Variants in TAOK3 observed in about 807,000 individuals in gnomAD.
TAOK3 encodes the protein TAO kinase 3.
Under a neutral mutation model 120.4 loss-of-function variants are expected in TAOK3, and 40 were observed. That is an observed-to-expected ratio of 0.33 (90% confidence interval 0.26 to 0.43). The LOEUF (loss-of-function observed/expected upper bound fraction) is 0.43, where lower values mean the gene tolerates loss of function less well. TAOK3 is among the 20% of genes least tolerant of loss of function. The pLI, the probability that TAOK3 is intolerant of heterozygous loss-of-function variation, is 1.00. For synonymous variants in TAOK3, 355 were observed against 387.5 expected (o/e 0.92, Z 0.99); for missense variants, 821 against 1,112.1 (o/e 0.74, Z 3.72).
At chr12:118,216,017 T>A (rs913279920) in intron 9 of TAOK3, among the ~76,000 whole-genome samples, 2 of 151,706 alleles carry the variant, frequency 1.3e-5, no homozygotes, top group Non-Finnish European at 2.9e-5. Flanking sequence ...CTGGGCAACA[T>A]GGTGAAAATT....
At chr12:118,330,548 T>C (rs969906807) in intron 1 of TAOK3, among the ~76,000 whole-genome samples, 2 of 152,120 alleles carry the variant, frequency 1.3e-5, no homozygotes, top group African/African-American at 4.8e-5. Flanking sequence ...CTGGCTGCAG[T>C]TGATAGTTGG....
At chr12:118,151,264 GCACACACATGAAGTGCGCGCGCGCGCA>G in intron 20 of TAOK3, 106 bp from the exon 21 acceptor site, 3 of 1,092,552 alleles carry the variant, frequency 2.7e-6, no homozygotes, top group Non-Finnish European at 3.9e-6. Context: ...ACACACATAG[GCACACACATGAAGTGCGCGCGCGCGCA>G]CACACACACA....
intron 20 of TAOK3, among the ~76,000 whole-genome samples, chr12:118,151,680 T>A (rs2034454279): frequency 6.6e-6 from 1 of 152,228 alleles, no homozygotes; most frequent in Non-Finnish European, 1.5e-5. Context: ...AGCAAATAAA[T>A]GCTTAACAGC....
intron 1 of TAOK3, among the ~76,000 whole-genome samples, chr12:118,301,239 T>C (rs549227378): frequency 1.2e-4 from 19 of 152,304 alleles, no homozygotes; most frequent in Admixed American, 2.0e-4. Context: ...CATAAGCAGC[T>C]GCAAATGTCA....
rs967051116 is a variant in TAOK3 at position 118,240,753 on chromosome 12, C to T, written c.295-1481G>A. On this transcript the variant is annotated intron_variant, in intron 5 of 20. Coordinates refer to ENST00000392533, the MANE Select transcript of TAOK3 (RefSeq NM_016281.4). ...CACACACATGCAAGCATTCACACTC[C>T]TACAAATTATTGTTATTTAAAAGAA... Among the ~76,000 whole-genome samples the T allele has an allele frequency of 7.9e-5, 12 of 151,974 alleles. No homozygotes were observed. In the East Asian group the frequency reaches 2.1e-3, roughly 27 times the overall value.
In TAOK3 at chr12:118,149,836, A is replaced by C. The variant is rs2138115079; in HGVS notation, c.*1161T>G. Reference sequence around the variant, plus strand: ...ACTTTTATTTACAAATATAATTAAAAGCTCTGACAGTTATCATGCTCTTCC... The same window carrying C: ...ACTTTTATTTACAAATATAATTAAACGCTCTGACAGTTATCATGCTCTTCC... On this transcript the variant is annotated 3_prime_UTR_variant, in exon 21 of 21. Transcript: ENST00000392533. 1 of 152,334 alleles carries C rather than the reference A, an allele frequency of 6.6e-6. No individual in the cohort carries two copies. The highest frequency in any genetic ancestry group is 2.4e-5 in the African/African-American group (1 of 41,582). 9.4% of individuals were successfully genotyped at this position (152,334 alleles called of 1,614,324 possible). A position where few individuals can be genotyped will look rare whatever the true frequency, so the allele number is the denominator to read the frequency against.
At position 118,227,328 on chromosome 12, in the gene TAOK3, CTG is replaced by C. The variant is rs1201255895; in HGVS notation, c.643+6344_643+6345del. On this transcript the variant is annotated intron_variant, in intron 9 of 20. Coordinates refer to ENST00000392533, the MANE Select transcript of TAOK3 (RefSeq NM_016281.4). ...TATAAATATATAAAATATAAAATAT[CTG>C]TGTTATAAGTAAAATATAAAATAAG... 6.1e-5 allele frequency among the ~76,000 whole-genome samples: 9 copies of C among 147,042 alleles called. No individual in the cohort carries two copies. The South Asian group carries it at 1.1e-3, about 17-fold the overall frequency.
intron 3 of TAOK3, among the ~76,000 whole-genome samples, chr12:118,248,155 T>A (rs973617273): frequency 6.6e-6 from 1 of 150,600 alleles, no homozygotes; most frequent in Non-Finnish European, 1.5e-5. Flanking sequence ...AACAATAATG[T>A]AGTATGTACA....
intron 1 of TAOK3, among the ~76,000 whole-genome samples, chr12:118,327,486 T>C (rs1270990580): frequency 1.3e-5 from 2 of 152,200 alleles, no homozygotes; most frequent in Non-Finnish European, 2.9e-5. Context: ...ATAATAATAG[T>C]GAAGGAAAAT....
At chr12:118,342,539 A>G (rs1264429069) in intron 1 of TAOK3, among the ~76,000 whole-genome samples, 1 of 152,220 alleles carries the variant, frequency 6.6e-6, no homozygotes, top group Admixed American at 6.5e-5. Context: ...TTACTATGCC[A>G]TGACAAGATA....
At chr12:118,177,925 T>A (rs568850513) in intron 15 of TAOK3, among the ~76,000 whole-genome samples, 2 of 152,210 alleles carry the variant, frequency 1.3e-5, no homozygotes, top group East Asian at 3.9e-4. Context: ...ACAAAAACAT[T>A]CATGGGATGA....
At chr12:118,174,036 G>A (rs985043306) in intron 16 of TAOK3, among the ~76,000 whole-genome samples, 2 of 152,124 alleles carry the variant, frequency 1.3e-5, no homozygotes, top group Non-Finnish European at 1.5e-5. Flanking sequence ...GAGGAAGCCT[G>A]GGTCATTCAT....
chr12:118,299,383 A>G (rs1341641430), intron 1 of TAOK3, among the ~76,000 whole-genome samples: 1 of 152,158 alleles, frequency 6.6e-6, no homozygotes, highest in African/African-American at 2.4e-5. Context: ...AAATCAATAA[A>G]TTATACCCTT....
chr12:118,309,783 T>C (rs957919958), intron 1 of TAOK3, among the ~76,000 whole-genome samples: 28 of 152,068 alleles, frequency 1.8e-4, no homozygotes, highest in African/African-American at 6.5e-4. Flanking sequence ...CCCAAAGTGC[T>C]GAGATTACAG....
chr12:118,178,912 G>A (rs1026786335), intron 15 of TAOK3, among the ~76,000 whole-genome samples: 2 of 152,178 alleles, frequency 1.3e-5, no homozygotes, highest in African/African-American at 2.4e-5. Flanking sequence ...AAGGATATAC[G>A]TAAGACGAGC....
intron 19 of TAOK3, among the ~76,000 whole-genome samples, chr12:118,156,226 A>G (rs2034812731): frequency 6.6e-6 from 1 of 151,942 alleles, no homozygotes. Context: ...CTCTACTTCT[A>G]CCGCTCACAT....
chr12:118,154,693 G>A (rs1453547173), intron 19 of TAOK3, among the ~76,000 whole-genome samples: 4 of 151,958 alleles, frequency 2.6e-5, no homozygotes, highest in African/African-American at 7.3e-5. Context: ...CGCCTGCCTT[G>A]GCCTCCCAAA....
intron 5 of TAOK3, among the ~76,000 whole-genome samples, chr12:118,241,967 G>A (rs888716546): frequency 1.3e-4 from 19 of 151,852 alleles, no homozygotes; most frequent in Non-Finnish European, 1.8e-4. Flanking sequence ...AAAATTAGCC[G>A]GGTGTGGTAC....
intron 1 of TAOK3, among the ~76,000 whole-genome samples, chr12:118,307,700 G>A (rs575404106): frequency 6.6e-6 from 1 of 152,152 alleles, no homozygotes; most frequent in Non-Finnish European, 1.5e-5. Flanking sequence ...TAGAGGTCTC[G>A]GTATCCTCTA....
Sources: gnomAD v4.1 joint callset for allele counts (sites outside exome capture counted in the v4.1 genomes callset) on GRCh38, gnomAD v4.1.1 for gene constraint, MANE v1.5 for transcripts, NCBI Gene and HGNC (gene_info 2026-07-23, HGNC 2026-07-21) for gene names.